The following MYO3B variants were observed in gnomAD, a reference collection of about 807,000 sequenced individuals.
MYO3B encodes myosin IIIB.
Under a neutral mutation model 174.6 loss-of-function variants are expected in MYO3B, and 156 were observed. The ratio of observed to expected loss-of-function variants is 0.89; its 90% CI spans 0.78 to 1.02. MYO3B has a LOEUF of 1.02. MYO3B is among the 50% of genes least tolerant of loss of function. The pLI is 0.00. For missense variants in MYO3B, 1,632 were observed against 1,639.4 expected, an observed-to-expected ratio of 1.00 and a Z score of 0.08; for synonymous variants, 563 against 569.1, an observed-to-expected ratio of 0.99 and a Z score of 0.15.
At chr2:170,204,053 C>T (rs536013318) in intron 3 of MYO3B, among the ~76,000 whole-genome samples, 27 of 152,156 alleles carry the variant, frequency 1.8e-4, no homozygotes, top group Non-Finnish European at 3.7e-4. Context: ...ACTTCCCTCT[C>T]ATTGTATGAG....
chr2:170,596,973 A>G (rs1267051728), intron 32 of MYO3B, among the ~76,000 whole-genome samples: 1 of 152,084 alleles, frequency 6.6e-6, no homozygotes, highest in Non-Finnish European at 1.5e-5. Flanking sequence ...GCGGGAAAAT[A>G]TGGCTGGGGT....
intron 7 of MYO3B, among the ~76,000 whole-genome samples, chr2:170,319,180 T>G (rs1047851747): frequency 5.9e-5 from 9 of 152,176 alleles, no homozygotes; most frequent in African/African-American, 1.9e-4. Context: ...GCACTATGAG[T>G]TAGGCACTTG....
chr2:170,224,141 T>A (rs2092928307), intron 6 of MYO3B, among the ~76,000 whole-genome samples: 1 of 152,172 alleles, frequency 6.6e-6, no homozygotes, highest in Admixed American at 6.5e-5. Flanking sequence ...GGAAGGAAAC[T>A]TTCACTTACT....
At chr2:170,332,688 AAAG>A (rs1192721206) in intron 7 of MYO3B, among the ~76,000 whole-genome samples, 1 of 152,190 alleles carries the variant, frequency 6.6e-6, no homozygotes, top group Admixed American at 6.5e-5. Context: ...GCTGGGCTTC[AAAG>A]AAGATGTTTC....
At chr2:170,236,649 C>A (rs1157761780) in intron 7 of MYO3B, among the ~76,000 whole-genome samples, 4 of 152,170 alleles carry the variant, frequency 2.6e-5, no homozygotes, top group Non-Finnish European at 5.9e-5. Context: ...GTTTGGAGAG[C>A]ATTTAAATGC....
chr2:170,199,150 A>C, intron 1 of MYO3B, 58 bp from the exon 2 acceptor site: 1 of 1,204,534 alleles, frequency 8.3e-7, no homozygotes, highest in Non-Finnish European at 1.1e-6. Context: ...TTGTTTCAAA[A>C]GTCCACTGCC....
At chr2:170,593,564 A>T (rs548133359) in intron 32 of MYO3B, among the ~76,000 whole-genome samples, 1 of 152,248 alleles carries the variant, frequency 6.6e-6, no homozygotes, top group Non-Finnish European at 1.5e-5. Context: ...AGATCTGAAT[A>T]TCAGCTAACA....
At chr2:170,250,340 T>C (rs2105328750) in intron 7 of MYO3B, among the ~76,000 whole-genome samples, 1 of 152,376 alleles carries the variant, frequency 6.6e-6, no homozygotes, top group South Asian at 2.1e-4. Context: ...CATTTGTTAC[T>C]GATGAAGTGT....
chr2:170,241,145 A>G (rs78462969), intron 7 of MYO3B, among the ~76,000 whole-genome samples: 1 of 144,636 alleles, frequency 6.9e-6, no homozygotes, highest in African/African-American at 2.6e-5. Flanking sequence ...TTTTTTTAGT[A>G]GGAAAAGCTC....
intron 6 of MYO3B, among the ~76,000 whole-genome samples, chr2:170,218,586 C>T (rs556581004): frequency 4.6e-5 from 7 of 152,334 alleles, no homozygotes; most frequent in African/African-American, 1.2e-4. Context: ...CCTACAACCA[C>T]GTACCATGCG....
intron 32 of MYO3B, chr2:170,649,911 T>C (rs937634245): frequency 6.7e-6 from 1 of 149,670 alleles, no homozygotes; most frequent in Non-Finnish European, 1.5e-5. Context: ...AATCTAGGGT[T>C]GGGTACCCAC....
Position 170,402,869 on chromosome 2 carries a change from T to G in MYO3B, c.2151T>G (p.Asn717Lys). ...GCAGTAGTGCAGGAGGTGGAATGAA[T>G]GTGGGGATCTTGGATATCTTTGGAT... ...ENICSAGGGM[N>K]VGILDIFGFE... The change falls in exon 19 of 35, where the codon AAT becomes AAG. Residue 717 changes from asparagine to lysine, a missense_variant. Transcript: ENST00000408978. 2.5e-6 allele frequency: 4 copies of G among 1,612,134 alleles called. No homozygotes were observed. Among genetic ancestry groups the G allele is most frequent in the Non-Finnish European group, 3.4e-6 (4 of 1,178,524 alleles).
intron 8 of MYO3B, among the ~76,000 whole-genome samples, chr2:170,362,342 C>T (rs2094167887): frequency 6.6e-6 from 1 of 152,218 alleles, no homozygotes; most frequent in Non-Finnish European, 1.5e-5. Flanking sequence ...TTCCGTCCTA[C>T]CTTCACTTGA....
chr2:170,569,551 G>C (rs1442141298), intron 32 of MYO3B, among the ~76,000 whole-genome samples: 3 of 136,954 alleles, frequency 2.2e-5, no homozygotes, highest in Non-Finnish European at 3.1e-5. Flanking sequence ...TTTACTTTTT[G>C]AATTGTGATC....
intron 8 of MYO3B, chr2:170,343,633 C>A (rs535696048): frequency 1.3e-5 from 2 of 152,276 alleles, no homozygotes; most frequent in East Asian, 1.9e-4. Context: ...GTGCTTGGCA[C>A]CTAACTATGG....
intron 3 of MYO3B, among the ~76,000 whole-genome samples, chr2:170,205,171 C>T (rs1457182821): frequency 6.6e-6 from 1 of 152,146 alleles, no homozygotes; most frequent in Non-Finnish European, 1.5e-5. Flanking sequence ...GTTTTTAAAT[C>T]CATAGCTGAG....
chr2:170,373,417 C>T (rs577088234), intron 9 of MYO3B, among the ~76,000 whole-genome samples: 37 of 152,320 alleles, frequency 2.4e-4, no homozygotes, highest in Non-Finnish European at 3.8e-4. Flanking sequence ...TGTAGCAACT[C>T]TTTTTGGATT....
At chr2:170,298,524 A>G (rs926476816) in intron 7 of MYO3B, among the ~76,000 whole-genome samples, 1 of 151,728 alleles carries the variant, frequency 6.6e-6, no homozygotes, top group Admixed American at 6.6e-5. Context: ...AAAATACAAA[A>G]ATTAGCCTGG....
At chr2:170,507,148 C>A (rs1575090598) in intron 28 of MYO3B, among the ~76,000 whole-genome samples, 3 of 152,212 alleles carry the variant, frequency 2.0e-5, no homozygotes, top group African/African-American at 7.2e-5. Flanking sequence ...TTTTCCGTAT[C>A]CACATATCCA....
Sources: gnomAD v4.1 joint callset for allele counts (sites outside exome capture counted in the v4.1 genomes callset) on GRCh38, gnomAD v4.1.1 for gene constraint, MANE v1.5 for transcripts, NCBI Gene and HGNC (gene_info 2026-07-23, HGNC 2026-07-21) for gene names.